PLXDC2: variants seen among roughly 807,000 people sequenced by gnomAD.
PLXDC2 encodes the protein plexin domain containing 2.
In PLXDC2, 40 loss-of-function variants were observed where a neutral mutation model predicts 68.9. The observed-to-expected ratio is 0.58, with a 90% CI of 0.45 to 0.76. PLXDC2 has a LOEUF of 0.76. PLXDC2 is among the 30% of genes least tolerant of loss of function. The pLI, the probability that PLXDC2 is intolerant of heterozygous loss-of-function variation, is 0.00. For synonymous variants in PLXDC2, 243 were observed against 234.2 expected, an observed-to-expected ratio of 1.04 and a Z score of -0.34; for missense variants, 644 against 661.9, an observed-to-expected ratio of 0.97 and a Z score of 0.30.
chr10:20,044,158 C>A (rs1227589208), intron 2 of PLXDC2, among the ~76,000 whole-genome samples: 1 of 147,354 alleles, frequency 6.8e-6, no homozygotes, highest in African/African-American at 2.5e-5. Context: ...TTCCTTCCTT[C>A]CTTCCTCTTT....
intron 1 of PLXDC2, among the ~76,000 whole-genome samples, chr10:19,866,227 T>G (rs1313149990): frequency 1.3e-5 from 2 of 152,232 alleles, no homozygotes; most frequent in African/African-American, 4.8e-5. Context: ...AAATTTATTG[T>G]CCTGCATTTC....
Position 20,162,790 on chromosome 10 carries a change from G to T in PLXDC2, c.784-1678G>T, listed in dbSNP as rs370211503. On this transcript the variant is annotated intron_variant, in intron 6 of 13. Coordinates refer to ENST00000377252, the MANE Select transcript of PLXDC2 (RefSeq NM_032812.9). ...AGTAAATAAAATATATCAGCCAGGC[G>T]CAGTAGCTCACGCCTGCAATCCCAG... Among the ~76,000 whole-genome samples, 7 of 151,820 alleles carry T rather than the reference G, an allele frequency of 4.6e-5. No individual in the cohort carries two copies. In the East Asian group the frequency reaches 1.4e-3, roughly 29 times the overall value.
At chr10:19,819,122 A>G (rs1836414824) in intron 1 of PLXDC2, among the ~76,000 whole-genome samples, 1 of 152,138 alleles carries the variant, frequency 6.6e-6, no homozygotes, top group Non-Finnish European at 1.5e-5. Flanking sequence ...ATTCATCCCA[A>G]AGTAAGATTG....
intron 3 of PLXDC2, among the ~76,000 whole-genome samples, chr10:20,048,153 C>G (rs565101987): frequency 6.6e-6 from 1 of 152,060 alleles, no homozygotes; most frequent in African/African-American, 2.4e-5. Context: ...TTTAAAGAGG[C>G]ATTGATTTGA....
intron 9 of PLXDC2, among the ~76,000 whole-genome samples, chr10:20,200,964 C>T (rs1834909348): frequency 6.6e-6 from 1 of 152,028 alleles, no homozygotes; most frequent in Non-Finnish European, 1.5e-5. Context: ...CTGTGGAGAA[C>T]AGTATGGAAG....
At chr10:19,888,005 T>G (rs1057478796) in intron 1 of PLXDC2, among the ~76,000 whole-genome samples, 1 of 152,232 alleles carries the variant, frequency 6.6e-6, no homozygotes, top group Non-Finnish European at 1.5e-5. Context: ...TGCAGTTTGC[T>G]GTGTGGTCTT....
rs187654409 is a variant in PLXDC2 at position 19,909,817 on chromosome 10, A to G, written c.113-91958A>G. On this transcript the variant is annotated intron_variant, in intron 1 of 13. Transcript: ENST00000377252. ...AACAGATGCTTTCGTAACACTTACT[A>G]TAAGCCAGGCACTGTTCTAAGAGCC... is the stretch of plus-strand genomic sequence containing the variant. Among the ~76,000 whole-genome samples, 344 of 152,270 alleles carry G rather than the reference A, an allele frequency of 2.3e-3. 1 individual carries two copies. The highest frequency in any genetic ancestry group is 4.2e-3 in the Non-Finnish European group (283 of 68,016).
intron 4 of PLXDC2, among the ~76,000 whole-genome samples, chr10:20,134,526 G>T (rs1247091879): frequency 6.6e-6 from 1 of 152,080 alleles, no homozygotes; most frequent in Non-Finnish European, 1.5e-5. Flanking sequence ...CTGGTGCCTG[G>T]GTCTGCAGAT....
intron 4 of PLXDC2, among the ~76,000 whole-genome samples, chr10:20,118,919 C>G (rs930198897): frequency 7.2e-6 from 1 of 138,694 alleles, no homozygotes. Context: ...TACATTGAAG[C>G]CTTTTTTTTT....
chr10:20,275,684 G>A (rs1045423083), intron 13 of PLXDC2, among the ~76,000 whole-genome samples: 42 of 152,092 alleles, frequency 2.8e-4, no homozygotes, highest in Non-Finnish European at 8.8e-5. Flanking sequence ...AGGCTGAGGC[G>A]GGTGGATCAT....
intron 1 of PLXDC2, among the ~76,000 whole-genome samples, chr10:19,950,408 A>T (rs920234372): frequency 6.6e-6 from 1 of 152,200 alleles, no homozygotes; most frequent in East Asian, 1.9e-4. Flanking sequence ...AATCTCACCT[A>T]CAATAGCCAC....
At chr10:19,819,231 G>A (rs1279777912) in intron 1 of PLXDC2, among the ~76,000 whole-genome samples, 1 of 151,984 alleles carries the variant, frequency 6.6e-6, no homozygotes, top group Non-Finnish European at 1.5e-5. Flanking sequence ...ATTTCTGATG[G>A]GAAATATACT....
chr10:20,108,710 C>G (rs1833522071), intron 4 of PLXDC2, among the ~76,000 whole-genome samples: 1 of 152,134 alleles, frequency 6.6e-6, no homozygotes, highest in Admixed American at 6.5e-5. Flanking sequence ...GGTTATGTCA[C>G]TTGATAGTTT....
chr10:20,025,522 A>G (rs1405842528), intron 2 of PLXDC2, among the ~76,000 whole-genome samples: 1 of 152,124 alleles, frequency 6.6e-6, no homozygotes, highest in Non-Finnish European at 1.5e-5. Flanking sequence ...TTGACCTCCC[A>G]AAGTGCTGGG....
intron 1 of PLXDC2, among the ~76,000 whole-genome samples, chr10:19,973,964 A>G (rs895689817): frequency 1.3e-5 from 2 of 152,194 alleles, no homozygotes; most frequent in African/African-American, 4.8e-5. Context: ...TTTTCAAGAG[A>G]GTTTTATAGG....
chr10:19,953,046 A>G (rs1274580186), intron 1 of PLXDC2, among the ~76,000 whole-genome samples: 2 of 152,166 alleles, frequency 1.3e-5, no homozygotes, highest in South Asian at 2.1e-4. Context: ...TGTATTTATT[A>G]GTAGAGACAG....
chr10:19,873,406 CTTTTTTTTTTT>C (rs1049862345), intron 1 of PLXDC2, among the ~76,000 whole-genome samples: 4 of 115,660 alleles, frequency 3.5e-5, no homozygotes, highest in East Asian at 2.5e-4. Flanking sequence ...TCTTCTTCGT[CTTTTTTTTTTT>C]TTTTTTTTTT....
chr10:20,123,536 A>C (rs572009477), intron 4 of PLXDC2, among the ~76,000 whole-genome samples: 1 of 152,270 alleles, frequency 6.6e-6, no homozygotes, highest in East Asian at 1.9e-4. Flanking sequence ...GCAGAAGAAA[A>C]TAAGATGCTT....
intron 9 of PLXDC2, among the ~76,000 whole-genome samples, chr10:20,210,408 G>C (rs910843437): frequency 6.6e-6 from 1 of 152,100 alleles, no homozygotes; most frequent in African/African-American, 2.4e-5. Context: ...GAGCGACTAT[G>C]GTAGCAATGC....
Sources: gnomAD v4.1 joint callset for allele counts (sites outside exome capture counted in the v4.1 genomes callset) on GRCh38, gnomAD v4.1.1 for gene constraint, MANE v1.5 for transcripts, NCBI Gene and HGNC (gene_info 2026-07-23, HGNC 2026-07-21) for gene names.